Variants in ALS2CL observed in about 807,000 individuals in gnomAD.
ALS2CL encodes ALS2 C-terminal-like protein.
Under a neutral mutation model 127.9 loss-of-function variants are expected in ALS2CL, and 112 were observed. The ratio of observed to expected loss-of-function variants is 0.88; its 90% CI spans 0.75 to 1.02. ALS2CL has a LOEUF of 1.02. Among genes scored for constraint, ALS2CL ranks in the 50% least tolerant of loss-of-function variants. The probability of loss-of-function intolerance (pLI) is 0.00; values close to 1 mark genes in which losing one functional copy is unlikely to be tolerated. For missense variants in ALS2CL, 1,174 were observed against 1,236.7 expected, an observed-to-expected ratio of 0.95 and a Z score of 0.76; for synonymous variants, 519 against 527.6, an observed-to-expected ratio of 0.98 and a Z score of 0.22.
chr3:46,683,378 CCTCCAGGAAG>C, intron 9 of ALS2CL, 52 bp from the exon 10 acceptor site: 1 of 1,528,896 alleles, frequency 6.5e-7, no homozygotes, highest in Non-Finnish European at 8.9e-7. Context: ...GGAGGCTTTC[CCTCCAGGAAG>C]CCTTCTGGGG....
intron 20 of ALS2CL, 57 bp from the exon 21 acceptor site, chr3:46,674,796 T>G (rs1421672867): frequency 5.4e-6 from 8 of 1,475,070 alleles, no homozygotes; most frequent in African/African-American, 1.4e-5. Flanking sequence ...GGATTACTAC[T>G]TGGAGTCTCG....
Position 46,681,707 on chromosome 3 carries a change from C to A in ALS2CL, c.1176-109G>T. On this transcript the variant is annotated intron_variant, in intron 11 of 25. Transcript: ENST00000318962. This position sits in a 1 kb window ranked among gnomAD's most constrained non-coding sequence, Gnocchi z 4.9. The stretch of plus-strand genomic sequence containing the variant: ...TGCCCCCAAGGAGCCTTCCAGACAA[C>A]AGGGAGACTCTCAGAGGCCCTCAGC... 8.9e-7 allele frequency: 1 copy of A among 1,123,174 alleles called. No homozygotes were observed. The highest frequency in any genetic ancestry group is 1.3e-6 in the Non-Finnish European group (1 of 769,384). The allele number at this position is 1,123,174 out of a possible 1,614,324, so 69.6% of individuals were successfully genotyped here.
chr3:46,669,603 C>A lies in ALS2CL; in HGVS notation c.*1381G>T, dbSNP rs1260473957. 6.6e-6 allele frequency: 1 copy of A among 152,282 alleles called. No individual in the cohort carries two copies. The highest frequency in any genetic ancestry group is 1.5e-5 in the Non-Finnish European group (1 of 68,076). 9.4% of individuals were successfully genotyped at this position (152,282 alleles called of 1,614,324 possible). A position where few individuals can be genotyped will look rare whatever the true frequency, so the allele number is the denominator to read the frequency against. On this transcript the variant is annotated 3_prime_UTR_variant, in exon 26 of 26. Transcript: ENST00000318962. ...GCATGAGTGCCTGCATATCCTCGCTCTTCCTCAGTTCCACCCCCTTCCTGG... is the reference window on the plus strand; with the variant it reads ...GCATGAGTGCCTGCATATCCTCGCTATTCCTCAGTTCCACCCCCTTCCTGG...
rs2106676238 is a variant in ALS2CL at position 46,670,894 on chromosome 3, T to C, written c.*90A>G. The C allele has an allele frequency of 7.5e-7, 1 of 1,340,442 alleles. No individual in the cohort carries two copies. The highest frequency in any genetic ancestry group is 1.2e-5 in the South Asian group (1 of 84,574). 83.0% of individuals were successfully genotyped at this position (1,340,442 alleles called of 1,614,324 possible). Reference sequence around the variant, plus strand: ...GCTCATCTCCTCCAAGAGCTGCTTCTGAGGGCCTGTCCTGCCCCTTGCCTT... The same window carrying C: ...GCTCATCTCCTCCAAGAGCTGCTTCCGAGGGCCTGTCCTGCCCCTTGCCTT... On this transcript the variant is annotated 3_prime_UTR_variant, in exon 26 of 26. Coordinates refer to ENST00000318962, the MANE Select transcript of ALS2CL (RefSeq NM_147129.5). The surrounding 1 kb of genome is among the most constrained non-coding windows in gnomAD (Gnocchi z 5.5).
chr3:46,681,583 C>T lies in ALS2CL; in HGVS notation c.1191G>A (p.Leu397=). ...ACTTGTCCTCAGAGGCCTGGGGCAG[C>T]AGGCGGATGCCGAAGCTGACAGCAT... is the stretch of plus-strand genomic sequence containing the variant. ...QGLEHGFGIR[L]LPQASEDKFD... The change falls in exon 12 of 26, where the codon CTG becomes CTA. Residue 397 remains leucine, a synonymous_variant. Coordinates refer to ENST00000318962, the MANE Select transcript of ALS2CL (RefSeq NM_147129.5). This position sits in a 1 kb window ranked among gnomAD's most constrained non-coding sequence, Gnocchi z 4.9. The T allele has an allele frequency of 1.2e-6, 2 of 1,614,112 alleles. No homozygotes were observed. The highest frequency in any genetic ancestry group is 2.2e-5 in the South Asian group (2 of 91,080).
intron 15 of ALS2CL, 149 bp downstream of exon 15, chr3:46,679,061 G>A (rs9854487): frequency 0.026 from 18,833 of 732,910 alleles, 1,540 homozygotes; most frequent in African/African-American, 0.22. Flanking sequence ...CTCTGTGGCA[G>A]GGTGGAGTTG....
rs775846304 is a variant in ALS2CL at position 46,678,407 on chromosome 3, G to C, written c.1627-18C>G. 3 of 1,607,614 alleles carry C rather than the reference G, an allele frequency of 1.9e-6. No individual in the cohort carries two copies. In the East Asian group the frequency reaches 6.7e-5, roughly 36 times the overall value. On this transcript the variant is annotated intron_variant, in intron 15 of 25. Coordinates refer to ENST00000318962, the MANE Select transcript of ALS2CL (RefSeq NM_147129.5). ...ACCTTGCCCTGGGAGCCAGGAGAAG[G>C]AGCAGGGATGTCTGTCTGCCCAGTT...
chr3:46,672,687 C>G (rs942310508), intron 22 of ALS2CL, among the ~76,000 whole-genome samples: 11 of 152,306 alleles, frequency 7.2e-5, no homozygotes, highest in South Asian at 2.1e-4. Context: ...CCCACTTCAC[C>G]CTCACAACAA....
At position 46,687,139 on chromosome 3, in the gene ALS2CL, C is replaced by T. The variant is rs1364537422; in HGVS notation, c.378G>A (p.Trp126Ter). The T allele has an allele frequency of 6.4e-7, 1 of 1,572,808 alleles. No individual in the cohort carries two copies. Among genetic ancestry groups the T allele is most frequent in the Admixed American group, 1.8e-5 (1 of 56,292 alleles). The part of the protein sequence containing the change: ...QKAAKRRSEY[W>*]RGQRKALRQL... ...GCCGCAGCGCCTTCCGCTGGCCCCG[C>T]CAGTACTCGCTGCGTGTAGAGAGGG... Residue 126 changes from tryptophan (W) to a stop codon, truncating the protein, a stop_gained, in exon 5 of 26, where the codon TGG becomes TGA. Transcript: ENST00000318962. LOFTEE classifies it high-confidence loss of function.
At chr3:46,689,800 G>A (rs1559485912) in intron 1 of ALS2CL, among the ~76,000 whole-genome samples, 1 of 152,206 alleles carries the variant, frequency 6.6e-6, no homozygotes, top group Non-Finnish European at 1.5e-5. Context: ...CAAGTGCCCA[G>A]GATAGTATTA....
chr3:46,678,071 G>A (rs961149880), intron 16 of ALS2CL, among the ~76,000 whole-genome samples, 188 bp downstream of exon 16: 8 of 150,218 alleles, frequency 5.3e-5, no homozygotes, highest in African/African-American at 1.2e-4. Flanking sequence ...GTGGTGTACC[G>A]CATTATATCC....
chr3:46,682,273 C>T (rs1442777407), intron 10 of ALS2CL, among the ~76,000 whole-genome samples, 179 bp from the exon 11 acceptor site: 1 of 152,194 alleles, frequency 6.6e-6, no homozygotes, highest in Non-Finnish European at 1.5e-5. Flanking sequence ...CCCTTTTCTA[C>T]TCCTGGCCCA....
intron 23 of ALS2CL, 40 bp downstream of exon 23, chr3:46,672,100 T>C: frequency 1.2e-6 from 2 of 1,614,112 alleles, no homozygotes; most frequent in Non-Finnish European, 1.7e-6. Context: ...CACCCCACAC[T>C]CTGCCTCCGG....
rs759589884 is a variant in ALS2CL at position 46,688,229 on chromosome 3, G to C, written c.171C>G (p.Ser57=). 5.0e-6 allele frequency: 8 copies of C among 1,612,894 alleles called. No individual in the cohort carries two copies. Among genetic ancestry groups the C allele is most frequent in the Non-Finnish European group, 6.8e-6 (8 of 1,180,016 alleles). ...LRLLQQLHKS[S]QQLWEVTEES... is the part of the protein sequence containing the mutation. ...CCTCCGTCACCTCCCAGAGTTGCTG[G>C]GAGCTCTTGTGCAGCTGTTGCAAGA... Residue 57 remains serine (S), a synonymous_variant, in exon 3 of 26, where the codon TCC becomes TCG. Transcript: ENST00000318962.
intron 1 of ALS2CL, among the ~76,000 whole-genome samples, chr3:46,692,719 G>A (rs758259907): frequency 6.6e-6 from 1 of 152,232 alleles, no homozygotes; most frequent in Non-Finnish European, 1.5e-5. Flanking sequence ...GGACAGAACT[G>A]GCCAGTCACG....
At chr3:46,671,370 A>C in intron 25 of ALS2CL, 118 bp downstream of exon 25, 1 of 1,482,438 alleles carries the variant, frequency 6.7e-7, no homozygotes, top group Non-Finnish European at 9.0e-7. Context: ...CCAGAGTCAC[A>C]CATGAGCTGT....
At chr3:46,674,486 C>T in intron 21 of ALS2CL, 80 bp downstream of exon 21, 1 of 1,536,314 alleles carries the variant, frequency 6.5e-7, no homozygotes, top group Non-Finnish European at 8.8e-7. Context: ...CTATCAACCC[C>T]AGCCCCACCT....
At chr3:46,679,001 G>T (rs1699104045) in intron 15 of ALS2CL, among the ~76,000 whole-genome samples, 1 of 152,150 alleles carries the variant, frequency 6.6e-6, no homozygotes, top group South Asian at 2.1e-4. Flanking sequence ...CCTCTGGATA[G>T]CAGGCAAGGC....
intron 10 of ALS2CL, 59 bp downstream of exon 10, chr3:46,683,071 C>T (rs918704371): frequency 5.9e-5 from 87 of 1,466,324 alleles, no homozygotes; most frequent in Non-Finnish European, 7.7e-5. Context: ...GTGTGCTGCT[C>T]TCTGCCCCGC....
Sources: allele counts gnomAD v4.1 joint callset (sites outside exome capture counted in the v4.1 genomes callset), GRCh38; gene constraint gnomAD v4.1.1; non-coding constraint Gnocchi (gnomAD v3.1); transcripts MANE v1.5; gene names NCBI Gene and HGNC (gene_info 2026-07-23, HGNC 2026-07-21).